Variants in NR3C1 observed in about 807,000 individuals in gnomAD.
The protein encoded by NR3C1 is glucocorticoid receptor.
NR3C1 carries 14 observed loss-of-function variants against 74.0 expected under a neutral mutation model. That is an observed-to-expected ratio of 0.19 (90% CI 0.12 to 0.30). The LOEUF (loss-of-function observed/expected upper bound fraction) is 0.30, where lower values mean the gene tolerates loss of function less well. Among genes scored for constraint, NR3C1 ranks in the 10% least tolerant of loss-of-function variants. The probability of loss-of-function intolerance (pLI) is 1.00; values close to 1 mark genes in which losing one functional copy is unlikely to be tolerated. For synonymous variants in NR3C1, 308 were observed against 332.5 expected (o/e 0.93, Z 0.80); for missense variants, 695 against 909.8 (o/e 0.76, Z 3.04).
At chr5:143,330,159 G>A (rs1182178980) in intron 2 of NR3C1, among the ~76,000 whole-genome samples, 1 of 152,094 alleles carries the variant, frequency 6.6e-6, no homozygotes, top group Non-Finnish European at 1.5e-5. Flanking sequence ...CTTCTAAAAT[G>A]CTATTTGCTA....
intron 2 of NR3C1, among the ~76,000 whole-genome samples, chr5:143,340,476 A>ATTTTTTTTTTTTT (rs3074500): frequency 1.1e-5 from 1 of 89,146 alleles, no homozygotes; most frequent in Non-Finnish European, 2.1e-5. Context: ...TTTAAAGATG[A>ATTTTTTTTTTTTT]TTTTTTTTTT....
At chr5:143,318,748 G>T (rs1171010767) in intron 2 of NR3C1, among the ~76,000 whole-genome samples, 1 of 152,128 alleles carries the variant, frequency 6.6e-6, no homozygotes, top group Non-Finnish European at 1.5e-5. Context: ...TTAACTCACA[G>T]TTTAATCTTA....
At chr5:143,433,249 TCA>T (rs1209725610) in intron 1 of NR3C1, among the ~76,000 whole-genome samples, 15 of 151,890 alleles carry the variant, frequency 9.9e-5, no homozygotes, top group Non-Finnish European at 1.9e-4. Context: ...TGCCTAAAGT[TCA>T]CAGAGTTTTA....
intron 2 of NR3C1, among the ~76,000 whole-genome samples, chr5:143,359,650 C>T (rs1831863418): frequency 6.6e-6 from 1 of 152,146 alleles, no homozygotes; most frequent in Non-Finnish European, 1.5e-5. Context: ...GATGCGGTGG[C>T]TCACACCTGT....
In NR3C1 at chr5:143,294,322, A is replaced by G. The variant is rs10482695; in HGVS notation, c.2023+1138T>C. On this transcript the variant is annotated intron_variant, in intron 7 of 8. Transcript: ENST00000394464. ...AGAGGTATTCAGCTATTAACTCAGT[A>G]TTTAATAAACATTGATATGTAATTT... 995 of 927,152 alleles carry G rather than the reference A, an allele frequency of 1.1e-3. 6 individuals carry two copies. In the African/African-American group the frequency reaches 0.016, roughly 15 times the overall value. 57.4% of individuals were successfully genotyped at this position (927,152 alleles called of 1,614,324 possible).
intron 2 of NR3C1, among the ~76,000 whole-genome samples, chr5:143,358,294 G>T (rs1487847987): frequency 6.6e-6 from 1 of 152,194 alleles, no homozygotes; most frequent in Non-Finnish European, 1.5e-5. Context: ...AGGAAGAAAG[G>T]CTCTGGGACA....
Position 143,281,939 on chromosome 5 carries a change from G to T in NR3C1, c.2284C>A (p.Pro762Thr), listed in dbSNP as rs1813179596. The T allele has an allele frequency of 6.2e-7, 1 of 1,613,168 alleles. No individual in the cohort carries two copies. Among genetic ancestry groups the T allele is most frequent in the Non-Finnish European group, 8.5e-7 (1 of 1,179,544 alleles). The change falls in exon 9 of 9, where the codon CCA becomes ACA. Residue 762 changes from proline (P) to threonine (T), a missense_variant. By Grantham distance (38) the Pro-to-Thr change is conservative. Around this residue, in one of 4 missense-constraint regions of NR3C1, gnomAD observed 133 missense variants for 287.9 expected, o/e 0.46. Transcript: ENST00000394464. ...TTGATATTTCCATTTGAATATTTTG[G>T]TATCTGATTGGTGATGATTTCAGCT... ...MLAEIITNQI[P>T]KYSNGNIKKL...
chr5:143,431,628 C>T lies in NR3C1; in HGVS notation c.-14+2904G>A, dbSNP rs187420088. Among the ~76,000 whole-genome samples the T allele has an allele frequency of 1.6e-3, 250 of 151,986 alleles. 2 individuals carry two copies. The highest frequency in any genetic ancestry group is 5.7e-3 in the African/African-American group (235 of 41,440). On this transcript the variant is annotated intron_variant, in intron 1 of 8. Transcript: ENST00000343796. Reference sequence around the variant, plus strand: ...TGCATACCTGTGTAACAAACCGGCACGTTCTGCACATGTATCCCAGAACTT... The same window carrying T: ...TGCATACCTGTGTAACAAACCGGCATGTTCTGCACATGTATCCCAGAACTT...
At chr5:143,421,298 C>T (rs1383776077) in intron 1 of NR3C1, among the ~76,000 whole-genome samples, 8 of 152,208 alleles carry the variant, frequency 5.3e-5, no homozygotes. Flanking sequence ...CATGTTTTTA[C>T]TATCCTTCAT....
chr5:143,331,108 T>C (rs1006120584), intron 2 of NR3C1, among the ~76,000 whole-genome samples: 2 of 152,016 alleles, frequency 1.3e-5, no homozygotes, highest in Non-Finnish European at 2.9e-5. Context: ...AACAGACACA[T>C]AGACCAATGC....
intron 7 of NR3C1, 138 bp downstream of exon 7, chr5:143,295,322 T>C: frequency 7.1e-7 from 1 of 1,400,218 alleles, no homozygotes; most frequent in Non-Finnish European, 9.3e-7. Context: ...ATATTTTACA[T>C]TCATAAAAAT....
At chr5:143,405,020 C>G, upstream of NR3C1, 1 of 652,478 alleles carries the variant, frequency 1.5e-6, no homozygotes, top group Non-Finnish European at 1.9e-6. Context: ...GAAGGGAACT[C>G]GTGGTCCGTC....
chr5:143,338,501 A>G (rs1055013937), intron 2 of NR3C1, among the ~76,000 whole-genome samples: 1 of 152,136 alleles, frequency 6.6e-6, no homozygotes, highest in Admixed American at 6.6e-5. Context: ...AACACTGATG[A>G]CACTGACTTT....
chr5:143,333,429 T>C (rs2151710196), intron 2 of NR3C1, among the ~76,000 whole-genome samples: 1 of 152,272 alleles, frequency 6.6e-6, no homozygotes, highest in South Asian at 2.1e-4. Flanking sequence ...GACATGGGGC[T>C]ATGCATAGCC....
At chr5:143,426,504 T>A (rs551404800) in intron 1 of NR3C1, among the ~76,000 whole-genome samples, 1 of 152,198 alleles carries the variant, frequency 6.6e-6, no homozygotes. Context: ...GCCATTAATA[T>A]TCGTTTTACA....
intron 1 of NR3C1, among the ~76,000 whole-genome samples, chr5:143,420,996 G>T (rs1751203050): frequency 6.6e-6 from 1 of 152,034 alleles, no homozygotes; most frequent in African/African-American, 2.4e-5. Context: ...TCTCCTATAT[G>T]TATAATTCAG....
intron 7 of NR3C1, among the ~76,000 whole-genome samples, chr5:143,288,291 T>C (rs890886586): frequency 6.6e-6 from 1 of 151,930 alleles, no homozygotes; most frequent in Non-Finnish European, 1.5e-5. Flanking sequence ...GCTAATTTTT[T>C]TGTATTTTTA....
chr5:143,423,153 G>C (rs555920483), intron 1 of NR3C1, among the ~76,000 whole-genome samples: 49 of 152,256 alleles, frequency 3.2e-4, no homozygotes, highest in African/African-American at 1.1e-3. Flanking sequence ...AAGCTAAAAG[G>C]CTTCTGCACA....
chr5:143,396,586 G>A (rs1839224968), intron 2 of NR3C1, among the ~76,000 whole-genome samples: 1 of 151,726 alleles, frequency 6.6e-6, no homozygotes, highest in Non-Finnish European at 1.5e-5. Flanking sequence ...TATTTGTACA[G>A]GTCTTCAATT....
Sources: gnomAD v4.1 joint callset for allele counts (sites outside exome capture counted in the v4.1 genomes callset) on GRCh38, gnomAD v4.1.1 for gene constraint, gnomAD v4.1.1 regional missense constraint, MANE v1.5 for transcripts, NCBI Gene and HGNC (gene_info 2026-07-23, HGNC 2026-07-21) for gene names.